EMG1: variants seen among roughly 807,000 people sequenced by gnomAD.
EMG1 encodes EMG1 N1-specific pseudouridine methyltransferase, also known as ribosomal RNA small subunit methyltransferase NEP1.
EMG1 carries 24 observed loss-of-function variants against 26.9 expected under a neutral mutation model. The observed-to-expected ratio is 0.89, with a 90% CI of 0.65 to 1.26. The LOEUF (loss-of-function observed/expected upper bound fraction) is 1.26, where lower values mean the gene tolerates loss of function less well. EMG1 is among the 50% of genes most tolerant of loss of function. The probability of loss-of-function intolerance (pLI) is 0.00; values close to 1 mark genes in which losing one functional copy is unlikely to be tolerated. For missense variants in EMG1, 299 were observed against 307.6 expected (o/e 0.97, Z 0.21); for synonymous variants, 140 against 112.6 (o/e 1.24, Z -1.54).
Position 6,975,836 on chromosome 12 carries a change from G to T in EMG1, c.*27G>T. 1.5e-6 allele frequency: 2 copies of T among 1,312,358 alleles called. No homozygotes were observed. The highest frequency in any genetic ancestry group is 2.2e-6 in the Non-Finnish European group (2 of 905,726). The allele number at this position is 1,312,358 out of a possible 1,614,324, so 81.3% of individuals were successfully genotyped here. A position where few individuals can be genotyped will look rare whatever the true frequency, so the allele number is the denominator to read the frequency against. ...AGTAGTAGAACCTGTTCTGAAACCA[G>T]AAACTGTTGATGTCACATCCTTTGA... On this transcript the variant is annotated 3_prime_UTR_variant, in exon 6 of 6. Coordinates refer to ENST00000599672, the MANE Select transcript of EMG1 (RefSeq NM_006331.8).
intron 3 of EMG1, 40 bp from the exon 4 acceptor site, chr12:6,975,050 G>T: frequency 6.3e-7 from 1 of 1,592,254 alleles, no homozygotes; most frequent in Non-Finnish European, 8.6e-7. Context: ...GAAGGACTGT[G>T]GTCTCCATCT....
rs1241680934 is a variant in EMG1 at position 6,978,327 on chromosome 12, C to T, written c.*2518C>T. On this transcript the variant is annotated 3_prime_UTR_variant, in exon 6 of 6. Coordinates refer to ENST00000599672, the MANE Select transcript of EMG1 (RefSeq NM_006331.8). ...GGAAGGAACCAGGGTCCAGGCTCCC[C>T]ACCAGCAGCTCACCGGGCCACCCAG... 6.3e-7 allele frequency: 1 copy of T among 1,599,596 alleles called. No individual in the cohort carries two copies. The highest frequency in any genetic ancestry group is 8.5e-7 in the Non-Finnish European group (1 of 1,172,046).
At chr12:6,991,158 G>C (rs750116719), downstream of EMG1, among the ~76,000 whole-genome samples, 1 of 152,116 alleles carries the variant, frequency 6.6e-6, no homozygotes, top group Non-Finnish European at 1.5e-5. Context: ...AAGATGACTG[G>C]ATTCTCAAAT....
Position 6,977,462 on chromosome 12 carries a change from G to A in EMG1, c.*1653G>A. The A allele has an allele frequency of 1.2e-6, 2 of 1,614,212 alleles. No individual in the cohort carries two copies. The highest frequency in any genetic ancestry group is 1.7e-6 in the Non-Finnish European group (2 of 1,180,042). ...GTCTGTTGCACCAAATAGTAGAAGG[G>A]CTGGAGGACAGTAATGGCGGCCAGC... On this transcript the variant is annotated 3_prime_UTR_variant, in exon 6 of 6. Coordinates refer to ENST00000599672, the MANE Select transcript of EMG1 (RefSeq NM_006331.8). The surrounding 1 kb of genome is among the most constrained non-coding windows in gnomAD (Gnocchi z 4.5).
downstream of EMG1, chr12:6,981,382 G>T (rs904839048): frequency 1.9e-5 from 13 of 674,066 alleles, no homozygotes; most frequent in African/African-American, 2.3e-4. Context: ...CAAATGCCTT[G>T]CTGGCATTGA....
At position 6,979,542 on chromosome 12, in the gene EMG1, A is replaced by C. The variant is rs1946447748; in HGVS notation, c.*3733A>C. The C allele has an allele frequency of 6.2e-7, 1 of 1,613,982 alleles. No homozygotes were observed. Among genetic ancestry groups the C allele is most frequent in the South Asian group, 1.1e-5 (1 of 91,086 alleles). ...AGCAGTGTGTAGCCCACTAGGTAGA[A>C]AAGGCCCAGACTCAGGCGCTTGAGA... On this transcript the variant is annotated 3_prime_UTR_variant, in exon 6 of 6. Transcript: ENST00000599672.
At position 6,975,751 on chromosome 12, in the gene EMG1, C is replaced by G. The variant is rs1555153080; in HGVS notation, c.677C>G (p.Ala226Gly). 1.2e-6 allele frequency: 2 copies of G among 1,613,588 alleles called. No homozygotes were observed. Among genetic ancestry groups the G allele is most frequent in the South Asian group, 2.2e-5 (2 of 91,074 alleles). The change falls in exon 6 of 6, where the codon GCT (alanine) becomes GGT (glycine). Residue 226 changes from alanine (A) to glycine (G), a missense_variant. Physicochemically the swap from Ala to Gly is moderately conservative, Grantham distance 60. Transcript: ENST00000599672. The part of the protein sequence containing the change: ...MVSISNYPLS[A>G]ALTCAKLTTA... Reference sequence around the variant, plus strand: ...TCCATCAGTAACTACCCCCTTTCTGCTGCCCTCACCTGTGCAAAACTTACC... The same window carrying G: ...TCCATCAGTAACTACCCCCTTTCTGGTGCCCTCACCTGTGCAAAACTTACC...
chr12:6,995,657 A>G lies in EMG1; in HGVS notation c.*212-1568A>G, dbSNP rs1177918664. Among the ~76,000 whole-genome samples, 5 of 151,790 alleles carry G rather than the reference A, an allele frequency of 3.3e-5. No individual in the cohort carries two copies. The East Asian group carries it at 7.8e-4, about 24-fold the overall frequency. ...TGGATCTCACCCTTAAATCCTTGCA[A>G]TGGCCTCCTACCTGATCTCTGCCTG... On this transcript the variant is annotated intron_variant and NMD_transcript_variant, in intron 7 of 7. Coordinates refer to the EMG1 transcript ENST00000607161.
chr12:6,977,027 G>A lies in EMG1; in HGVS notation c.*1218G>A. 1 of 748,802 alleles carries A rather than the reference G, an allele frequency of 1.3e-6. No homozygotes were observed. Among genetic ancestry groups the A allele is most frequent in the Non-Finnish European group, 2.3e-6 (1 of 427,364 alleles). 46.4% of individuals were successfully genotyped at this position (748,802 alleles called of 1,614,324 possible). ...CCATACTGTGTTCCTTAGTAGCCAG[G>A]CTAATCCTTGGAATTCACCCCAGAT... is the stretch of plus-strand genomic sequence containing the variant. On this transcript the variant is annotated 3_prime_UTR_variant, in exon 6 of 6. Transcript: ENST00000599672. This position sits in a 1 kb window ranked among gnomAD's most constrained non-coding sequence, Gnocchi z 4.5.
intron 3 of EMG1, 128 bp downstream of exon 3, chr12:6,974,821 C>A: frequency 2.0e-6 from 2 of 1,023,744 alleles, no homozygotes; most frequent in Non-Finnish European, 3.0e-6. Flanking sequence ...AATACCAGGA[C>A]AAGGACTGTT....
Position 6,979,408 on chromosome 12 carries a change from C to G in EMG1, c.*3599C>G. 8.1e-7 allele frequency: 1 copy of G among 1,230,838 alleles called. No homozygotes were observed. 76.2% of individuals were successfully genotyped at this position (1,230,838 alleles called of 1,614,324 possible). ...CTACTTCTCTGCTATCTGTAGGGATCCTTGCCTGTCCATTTTCTAGCTCTG... is the reference window on the plus strand; with the variant it reads ...CTACTTCTCTGCTATCTGTAGGGATGCTTGCCTGTCCATTTTCTAGCTCTG... On this transcript the variant is annotated 3_prime_UTR_variant, in exon 6 of 6. Coordinates refer to ENST00000599672, the MANE Select transcript of EMG1 (RefSeq NM_006331.8).
downstream of EMG1, among the ~76,000 whole-genome samples, chr12:6,990,238 G>A (rs1555155301): frequency 1.3e-5 from 2 of 150,950 alleles, no homozygotes; most frequent in East Asian, 2.0e-4. Context: ...AGCGGGGCAC[G>A]GTGGCTCATG....
downstream of EMG1, among the ~76,000 whole-genome samples, chr12:6,990,525 TAAAATAAATAAA>T (rs1565601251): frequency 8.4e-6 from 1 of 118,864 alleles, no homozygotes; most frequent in African/African-American, 3.3e-5. Context: ...AAAATTAAAA[TAAAATAAATAAA>T]TAAATAAATA....
rs1237423472 is a variant in EMG1, at chr12:6,977,452, T to C, written c.*1643T>C. ...CCAGTGGATGGTCTGTTGCACCAAA[T>C]AGTAGAAGGGCTGGAGGACAGTAAT... On this transcript the variant is annotated 3_prime_UTR_variant, in exon 6 of 6. Transcript: ENST00000599672. This position sits in a 1 kb window ranked among gnomAD's most constrained non-coding sequence, Gnocchi z 4.5. 6.2e-7 allele frequency: 1 copy of C among 1,614,106 alleles called. No homozygotes were observed. The highest frequency in any genetic ancestry group is 8.5e-7 in the Non-Finnish European group (1 of 1,180,014).
chr12:6,974,799 A>C (rs1946373683), intron 3 of EMG1, 106 bp downstream of exon 3: 1 of 1,205,244 alleles, frequency 8.3e-7, no homozygotes. Flanking sequence ...AAAATGGGAG[A>C]ACAACATGAT....
At chr12:6,972,170 G>A (rs1555152377) in intron 1 of EMG1, among the ~76,000 whole-genome samples, 1 of 150,140 alleles carries the variant, frequency 6.7e-6, no homozygotes, top group East Asian at 2.0e-4. Flanking sequence ...GGGTTCAATC[G>A]ATTCTCCTGC....
At chr12:6,983,346 T>A, downstream of EMG1, 1 of 849,564 alleles carries the variant, frequency 1.2e-6, no homozygotes, top group Non-Finnish European at 2.0e-6. Context: ...CCCTACCTAT[T>A]AGATTCTCTC....
downstream of EMG1, chr12:6,982,607 C>T: frequency 8.6e-7 from 1 of 1,164,826 alleles, no homozygotes; most frequent in East Asian, 2.4e-5. Context: ...ATACCACAGT[C>T]CCCTGCCTAC....
At chr12:6,988,669 G>T (rs1245491502), downstream of EMG1, among the ~76,000 whole-genome samples, 1 of 152,128 alleles carries the variant, frequency 6.6e-6, no homozygotes, top group Non-Finnish European at 1.5e-5. Flanking sequence ...GAGTGGGAAG[G>T]ACTTCCACTT....
Sources: gnomAD v4.1 joint callset for allele counts (sites outside exome capture counted in the v4.1 genomes callset) on GRCh38, gnomAD v4.1.1 for gene constraint, Gnocchi (gnomAD v3.1) non-coding constraint, MANE v1.5 for transcripts, NCBI Gene and HGNC (gene_info 2026-07-23, HGNC 2026-07-21) for gene names.